DSCAML1: variants seen among roughly 807,000 people sequenced by gnomAD.
DSCAML1 encodes cell adhesion molecule DSCAML1.
Under a neutral mutation model 200.5 loss-of-function variants are expected in DSCAML1, and 38 were observed. The observed-to-expected ratio is 0.19, with a 90% CI of 0.15 to 0.25. DSCAML1 has a LOEUF of 0.25. Among genes scored for constraint, DSCAML1 ranks in the 10% least tolerant of loss-of-function variants. DSCAML1 has a pLI of 1.00. For missense variants in DSCAML1, 2,223 were observed against 2,858.8 expected (o/e 0.78, Z 5.07); for synonymous variants, 1,215 against 1,165.0 (o/e 1.04, Z -0.87).
rs192578387 is a variant in DSCAML1 at position 117,813,211 on chromosome 11, G to T, written c.-250+4179C>A. On this transcript the variant is annotated intron_variant, in intron 1 of 2. Coordinates refer to the DSCAML1 transcript ENST00000525836. ...CTTTCCCTTCTCAGAAGTCAGACAT[G>T]TCCTCAGAATGCTACAAGGTACAGC... 1.9e-4 allele frequency among the ~76,000 whole-genome samples: 29 copies of T among 152,328 alleles called. 1 individual carries two copies. In the East Asian group the frequency reaches 3.9e-3, roughly 20 times the overall value.
At chr11:117,626,208 C>CA (rs1392051131) in intron 3 of DSCAML1, among the ~76,000 whole-genome samples, 2 of 134,024 alleles carry the variant, frequency 1.5e-5, no homozygotes, top group South Asian at 2.4e-4. Flanking sequence ...GACCCCCCCC[C>CA]CTCCTTCTTC....
intron 3 of DSCAML1, among the ~76,000 whole-genome samples, chr11:117,592,268 C>A (rs1484631602): frequency 6.6e-6 from 1 of 152,194 alleles, no homozygotes; most frequent in Non-Finnish European, 1.5e-5. Context: ...GCACCTCCTC[C>A]TGGAGGCCGG....
intron 1 of DSCAML1, among the ~76,000 whole-genome samples, chr11:117,785,334 T>C (rs548927146): frequency 1.3e-5 from 2 of 151,828 alleles, no homozygotes; most frequent in South Asian, 2.1e-4. Context: ...AGAAAAAGCG[T>C]TGGGAAGAGG....
intron 1 of DSCAML1, among the ~76,000 whole-genome samples, chr11:117,804,436 T>C (rs1372484806): frequency 6.6e-6 from 1 of 152,236 alleles, no homozygotes; most frequent in Non-Finnish European, 1.5e-5. Flanking sequence ...CTTTTCTTTA[T>C]CAAGCCCAAA....
intron 18 of DSCAML1, 90 bp downstream of exon 18, chr11:117,461,360 A>G: frequency 6.4e-7 from 1 of 1,562,518 alleles, no homozygotes; most frequent in Non-Finnish European, 8.7e-7. Context: ...AAGCTGTGGG[A>G]GGATGCTCAG....
chr11:117,481,131 C>T (rs1317393647), intron 13 of DSCAML1, 43 bp downstream of exon 13: 1 of 1,591,444 alleles, frequency 6.3e-7, no homozygotes, highest in Non-Finnish European at 8.6e-7. Context: ...GGCCCCTGGG[C>T]CCTGGGGAGG....
At chr11:117,605,935 G>T (rs1389804302) in intron 3 of DSCAML1, among the ~76,000 whole-genome samples, 1 of 152,120 alleles carries the variant, frequency 6.6e-6, no homozygotes, top group Non-Finnish European at 1.5e-5. Flanking sequence ...GTTGGAGATG[G>T]GGTGTACACC....
At chr11:117,452,398 T>C (rs562642905) in intron 19 of DSCAML1, among the ~76,000 whole-genome samples, 158 of 152,352 alleles carry the variant, frequency 1.0e-3, no homozygotes, top group African/African-American at 3.5e-3. Flanking sequence ...TTTTGCCTTA[T>C]AGTATGTCTG....
chr11:117,532,842 G>A (rs2050106283), intron 3 of DSCAML1, among the ~76,000 whole-genome samples: 1 of 152,028 alleles, frequency 6.6e-6, no homozygotes, highest in South Asian at 2.1e-4. Flanking sequence ...TTAAAAAATG[G>A]GGCCAGGTGT....
At chr11:117,478,722 G>A (rs759484593) in intron 14 of DSCAML1, among the ~76,000 whole-genome samples, 2 of 152,184 alleles carry the variant, frequency 1.3e-5, no homozygotes, top group African/African-American at 2.4e-5. Context: ...TAGATCATAG[G>A]CCACTTCCTG....
intron 3 of DSCAML1, among the ~76,000 whole-genome samples, chr11:117,570,174 C>T (rs1002835171): frequency 6.6e-6 from 1 of 151,844 alleles, no homozygotes. Flanking sequence ...ATGGCGGGGT[C>T]GGCTGGCGCG....
Position 117,505,327 on chromosome 11 carries a change from C to A in DSCAML1, c.2062+127G>T. The A allele has an allele frequency of 7.6e-7, 1 of 1,312,732 alleles. No individual in the cohort carries two copies. Among genetic ancestry groups the A allele is most frequent in the Middle Eastern group, 2.8e-4 (1 of 3,632 alleles). The allele number at this position is 1,312,732 out of a possible 1,614,324, so 81.3% of individuals were successfully genotyped here. ...GGAAAATAAGAGGTTTAGGCTCCAA[C>A]AGGCCCTTCAAGATGCTGGAGCCCA... On this transcript the variant is annotated intron_variant, in intron 9 of 32. Transcript: ENST00000651296. This position sits in a 1 kb window ranked among gnomAD's most constrained non-coding sequence, Gnocchi z 6.7.
chr11:117,638,687 G>T (rs140239961), intron 3 of DSCAML1, among the ~76,000 whole-genome samples: 1 of 152,056 alleles, frequency 6.6e-6, no homozygotes, highest in Non-Finnish European at 1.5e-5. Flanking sequence ...GCACATCCAC[G>T]TCACAACATG....
intron 21 of DSCAML1, among the ~76,000 whole-genome samples, chr11:117,440,225 G>C (rs2048014981): frequency 6.6e-6 from 1 of 152,190 alleles, no homozygotes; most frequent in Non-Finnish European, 1.5e-5. Context: ...CCAAGAGGGA[G>C]ACAGATACTT....
intron 3 of DSCAML1, among the ~76,000 whole-genome samples, chr11:117,594,739 T>C (rs527632020): frequency 6.6e-6 from 1 of 152,282 alleles, no homozygotes; most frequent in South Asian, 2.1e-4. Flanking sequence ...GCAGCCTCAT[T>C]TCCCTACTGT....
At chr11:117,641,584 G>A (rs1591353878) in intron 3 of DSCAML1, among the ~76,000 whole-genome samples, 1 of 152,266 alleles carries the variant, frequency 6.6e-6, no homozygotes, top group East Asian at 1.9e-4. Context: ...GGAATGGAGG[G>A]ACTCGGGCAG....
intron 8 of DSCAML1, among the ~76,000 whole-genome samples, chr11:117,510,918 C>CA (rs1165984096): frequency 1.3e-5 from 2 of 152,186 alleles, no homozygotes; most frequent in East Asian, 3.9e-4. Flanking sequence ...AAATGGCATG[C>CA]AGGCCATCTC....
At chr11:117,507,271 CT>C (rs1158524280) in intron 8 of DSCAML1, among the ~76,000 whole-genome samples, 1 of 152,214 alleles carries the variant, frequency 6.6e-6, no homozygotes, top group Non-Finnish European at 1.5e-5. Context: ...GTCCTCTAGC[CT>C]TCTCCCAGGC....
At chr11:117,673,378 G>A (rs2053149158) in intron 3 of DSCAML1, among the ~76,000 whole-genome samples, 1 of 152,168 alleles carries the variant, frequency 6.6e-6, no homozygotes, top group Admixed American at 6.5e-5. Context: ...CCAACCAGAA[G>A]ACAGTCAGCT....
Sources: allele counts gnomAD v4.1 joint callset (sites outside exome capture counted in the v4.1 genomes callset), GRCh38; gene constraint gnomAD v4.1.1; non-coding constraint Gnocchi (gnomAD v3.1); transcripts MANE v1.5; gene names NCBI Gene and HGNC (gene_info 2026-07-23, HGNC 2026-07-21).